C7orf78: variants seen among roughly 807,000 people sequenced by gnomAD.
C7orf78 encodes the protein chromosome 7 open reading frame 78, also known as putative uncharacterized protein C7orf78.
At chr7:12,514,904 G>A in the C7orf78 span, among the ~76,000 whole-genome samples, 2 of 151,676 alleles carry the variant, frequency 1.3e-5, no homozygotes, top group South Asian at 2.1e-4. Flanking sequence ...AGTATCCATA[G>A]GTGATAGGAT....
chr7:12,498,529 A>G, the C7orf78 span, among the ~76,000 whole-genome samples: 1 of 152,112 alleles, frequency 6.6e-6, no homozygotes, highest in African/African-American at 2.4e-5. Flanking sequence ...AGGAAAGTTT[A>G]GAGAAAAAAG....
the C7orf78 span, among the ~76,000 whole-genome samples, chr7:12,497,434 T>A: frequency 2.6e-3 from 394 of 151,566 alleles, no homozygotes; most frequent in African/African-American, 9.2e-3. Context: ...GGTCAGGGAG[T>A]TCCCTTTCCT....
chr7:12,491,602 G>A, the C7orf78 span: 5 of 152,102 alleles, frequency 3.3e-5, no homozygotes, highest in African/African-American at 1.2e-4. Context: ...CACTAAAAAA[G>A]AGTAAAACAA....
chr7:12,493,538 C>T, the C7orf78 span, among the ~76,000 whole-genome samples: 6 of 152,166 alleles, frequency 3.9e-5, no homozygotes. Context: ...ATTACCATTT[C>T]TTATGAGTTT....
chr7:12,489,365 A>C, the C7orf78 span, among the ~76,000 whole-genome samples: 1 of 152,100 alleles, frequency 6.6e-6, no homozygotes, highest in Non-Finnish European at 1.5e-5. Flanking sequence ...ACATTAACGG[A>C]AACAGAATTT....
At chr7:12,524,916 T>G in the C7orf78 span, among the ~76,000 whole-genome samples, 2 of 152,128 alleles carry the variant, frequency 1.3e-5, no homozygotes, top group Non-Finnish European at 2.9e-5. Context: ...ATATTTTTAT[T>G]TTAGCTGAAT....
At chr7:12,497,336 G>A in the C7orf78 span, among the ~76,000 whole-genome samples, 1 of 152,208 alleles carries the variant, frequency 6.6e-6, no homozygotes, top group Non-Finnish European at 1.5e-5. Flanking sequence ...ACTAGAGAGT[G>A]CCAGACAGTG....
the C7orf78 span, among the ~76,000 whole-genome samples, chr7:12,510,413 T>A: frequency 6.6e-6 from 1 of 152,148 alleles, no homozygotes; most frequent in Non-Finnish European, 1.5e-5. Flanking sequence ...TCAAACTTCT[T>A]TTCCTTTGGA....
At chr7:12,517,299 C>T in the C7orf78 span, among the ~76,000 whole-genome samples, 2 of 152,104 alleles carry the variant, frequency 1.3e-5, no homozygotes, top group Non-Finnish European at 2.9e-5. Context: ...CCTTTCACCT[C>T]CCACCATGAT....
chr7:12,529,892 C>T, the C7orf78 span, among the ~76,000 whole-genome samples: 14 of 152,246 alleles, frequency 9.2e-5, no homozygotes, highest in African/African-American at 3.1e-4. Context: ...GCTCCGCGCA[C>T]AGCTCAGGGG....
At chr7:12,518,538 C>T in the C7orf78 span, among the ~76,000 whole-genome samples, 4 of 152,096 alleles carry the variant, frequency 2.6e-5, no homozygotes, top group Admixed American at 2.6e-4. Context: ...CCCCGAGCTC[C>T]TAGATGGCAC....
At chr7:12,487,835 T>C in the C7orf78 span, among the ~76,000 whole-genome samples, 2 of 152,054 alleles carry the variant, frequency 1.3e-5, no homozygotes, top group African/African-American at 4.8e-5. Flanking sequence ...TCAATGTACT[T>C]GTTTAAAATT....
the C7orf78 span, among the ~76,000 whole-genome samples, chr7:12,518,513 G>T: frequency 3.3e-5 from 5 of 152,268 alleles, no homozygotes; most frequent in African/African-American, 1.2e-4. Flanking sequence ...GCTGTGATTG[G>T]CTGAGCAGAC....
At chr7:12,509,533 T>A in the C7orf78 span, among the ~76,000 whole-genome samples, 1 of 152,252 alleles carries the variant, frequency 6.6e-6, no homozygotes, top group Non-Finnish European at 1.5e-5. Flanking sequence ...ATAGTCAACC[T>A]AATCTGCTAT....
chr7:12,492,856 GA>G, the C7orf78 span, among the ~76,000 whole-genome samples: 48 of 152,232 alleles, frequency 3.2e-4, no homozygotes, highest in Non-Finnish European at 4.9e-4. Flanking sequence ...CTTACTTTAG[GA>G]AAGAAAAATG....
At chr7:12,501,343 G>C in the C7orf78 span, among the ~76,000 whole-genome samples, 2 of 147,908 alleles carry the variant, frequency 1.4e-5, no homozygotes, top group Non-Finnish European at 3.0e-5. Context: ...CATTGTCTCA[G>C]CCCAAAATCT....
At chr7:12,527,853 G>A in the C7orf78 span, among the ~76,000 whole-genome samples, 5 of 148,536 alleles carry the variant, frequency 3.4e-5, no homozygotes, top group Non-Finnish European at 7.4e-5. Context: ...GGTAGAAAAT[G>A]CCATCTAGCT....
the C7orf78 span, among the ~76,000 whole-genome samples, chr7:12,494,144 G>T: frequency 6.6e-6 from 1 of 152,134 alleles, no homozygotes; most frequent in Non-Finnish European, 1.5e-5. Flanking sequence ...AGCATCTTAG[G>T]GTGGGAGTGG....
chr7:12,510,909 A>G, the C7orf78 span, among the ~76,000 whole-genome samples: 23 of 152,082 alleles, frequency 1.5e-4, no homozygotes, highest in Non-Finnish European at 2.8e-4. Context: ...CCATTTGTCT[A>G]TTTTTGTTTT....
Sources: gnomAD v4.1 joint callset for allele counts (sites outside exome capture counted in the v4.1 genomes callset) on GRCh38, gnomAD v4.1.1 for gene constraint, MANE v1.5 for transcripts, NCBI Gene and HGNC (gene_info 2026-07-23, HGNC 2026-07-21) for gene names.